The following NEB variants were observed in gnomAD, a reference collection of about 807,000 sequenced individuals.
The protein encoded by NEB is nemaline myopathy type 2.
Under a neutral mutation model 952.2 loss-of-function variants are expected in NEB, and 512 were observed. That is an observed-to-expected ratio of 0.54 (90% CI 0.50 to 0.58). NEB has a LOEUF of 0.58. Ranked by LOEUF, NEB falls within the 20% of genes least tolerant of loss-of-function variation. The pLI is 0.00. For synonymous variants in NEB, 2,900 were observed against 3,149.8 expected (o/e 0.92, Z 2.66); for missense variants, 8,428 against 9,231.1 (o/e 0.91, Z 3.56).
rs552379239 is a variant in NEB, at chr2:151,552,708, G to A, written c.19800C>T (p.Tyr6600=). 12 of 1,613,116 alleles carry A rather than the reference G, an allele frequency of 7.4e-6. No individual in the cohort carries two copies. In the East Asian group the frequency reaches 8.9e-5, roughly 12 times the overall value. ...DYKLVTDTPV[Y]VQAVKSGKQL... The stretch of plus-strand genomic sequence containing the variant: ...GTTTCCCACTTTTGACAGCCTGCAC[G>A]TAGACTGGTGTATCTGTGACAAGCT... Residue 6600 remains tyrosine, a synonymous_variant, in exon 128 of 182, where the codon TAC becomes TAT. Coordinates refer to ENST00000397345, the MANE Select transcript of NEB (RefSeq NM_001164508.2).
chr2:151,519,725 G>A lies in NEB; in HGVS notation c.22523C>T (p.Pro7508Leu), dbSNP rs780741468. ...CTGGCTGTCTTTTGGATTGTATTTT[G>A]GTGTCTTGCCCTTTTCTTTATCGAA... ...ENFDKEKGKTPKYNPKDSQLY... is the reference protein window; with the variant it reads ...ENFDKEKGKTLKYNPKDSQLY... The change falls in exon 154 of 182, where the codon CCA becomes CTA. Residue 7508 changes from proline to leucine, a missense_variant. This residue lies in a region of NEB where 3,374 missense variants were observed against 3,651.5 expected (regional missense o/e 0.92). Transcript: ENST00000397345. 6 of 1,612,888 alleles carry A rather than the reference G, an allele frequency of 3.7e-6. No individual in the cohort carries two copies. The highest frequency in any genetic ancestry group is 5.1e-6 in the Non-Finnish European group (6 of 1,179,294).
chr2:151,639,420 AG>A (rs2098819169), intron 62 of NEB, 36 bp from the exon 63 acceptor site: 3 of 1,460,122 alleles, frequency 2.1e-6, no homozygotes, highest in Non-Finnish European at 2.8e-6. Context: ...TCAGGAAAAA[AG>A]TTCTGTGTAT....
chr2:151,505,413 A>C, intron 165 of NEB, 65 bp downstream of exon 165: 1 of 1,324,312 alleles, frequency 7.6e-7, no homozygotes, highest in Non-Finnish European at 1.1e-6. Context: ...AAGATGAGAG[A>C]GCACCAGGGT....
At chr2:151,641,532 T>C (rs2098847225) in intron 60 of NEB, among the ~76,000 whole-genome samples, 1 of 152,182 alleles carries the variant, frequency 6.6e-6, no homozygotes, top group Non-Finnish European at 1.5e-5. Flanking sequence ...TGCCTTGCTA[T>C]GTTGACCAGG....
chr2:151,728,239 A>C (rs2099796810), intron 4 of NEB, among the ~76,000 whole-genome samples: 1 of 152,218 alleles, frequency 6.6e-6, no homozygotes, highest in African/African-American at 2.4e-5. Context: ...TTTTTAAAAC[A>C]GTTGAAAATC....
Position 151,493,524 on chromosome 2 carries a change from G to A in NEB, c.24673-79C>T, listed in dbSNP as rs891200340. On this transcript the variant is annotated intron_variant, in intron 175 of 181. Transcript: ENST00000397345. Reference sequence around the variant, plus strand: ...AAATCATCACTTAGCTGGTGTTATGGCTCATGTTATGGCTCAGTTATATCA... The same window carrying A: ...AAATCATCACTTAGCTGGTGTTATGACTCATGTTATGGCTCAGTTATATCA... 16 of 938,288 alleles carry A rather than the reference G, an allele frequency of 1.7e-5. No homozygotes were observed. In the South Asian group the frequency reaches 2.6e-4, roughly 15 times the overall value. The allele number at this position is 938,288 out of a possible 1,614,324, so 58.1% of individuals were successfully genotyped here.
At position 151,702,103 on chromosome 2, in the gene NEB, C is replaced by T. The variant is rs1342048343; in HGVS notation, c.1153-4455G>A. On this transcript the variant is annotated intron_variant, in intron 13 of 181. Coordinates refer to ENST00000397345, the MANE Select transcript of NEB (RefSeq NM_001164508.2). ...TTGGTTTCAAAGAACATCTTTATTTCTGCCTTCATTTCGTTATGTACCCAG... is the reference window on the plus strand; with the variant it reads ...TTGGTTTCAAAGAACATCTTTATTTTTGCCTTCATTTCGTTATGTACCCAG... Among the ~76,000 whole-genome samples, 8 of 145,952 alleles carry T rather than the reference C, an allele frequency of 5.5e-5. No individual in the cohort carries two copies. In the East Asian group the frequency reaches 9.9e-4, roughly 18 times the overall value.
chr2:151,500,902 A>AATAAG (rs1220735065), intron 168 of NEB, among the ~76,000 whole-genome samples: 8 of 152,142 alleles, frequency 5.3e-5, no homozygotes, highest in Admixed American at 2.0e-4. Context: ...CCTGGCCCCA[A>AATAAG]ATAAGATTTC....
chr2:151,506,413 A>C, intron 163 of NEB, 155 bp from the exon 164 acceptor site: 1 of 622,082 alleles, frequency 1.6e-6, no homozygotes, highest in Non-Finnish European at 2.9e-6. Context: ...TTTCCATGTC[A>C]GTATCAGTGA....
At chr2:151,671,997 A>AG (rs397775205) in intron 37 of NEB, among the ~76,000 whole-genome samples, 1 of 151,374 alleles carries the variant, frequency 6.6e-6, no homozygotes, top group African/African-American at 2.4e-5. Context: ...AAAAAAAAAA[A>AG]CACCTTTCCC....
intron 13 of NEB, among the ~76,000 whole-genome samples, chr2:151,698,307 T>A (rs1235441523): frequency 6.6e-6 from 1 of 152,166 alleles, no homozygotes; most frequent in Non-Finnish European, 1.5e-5. Context: ...TTAGTATGTT[T>A]ACAGAGTTGT....
intron 76 of NEB, among the ~76,000 whole-genome samples, chr2:151,615,045 A>G (rs2098144907): frequency 6.6e-6 from 1 of 152,246 alleles, no homozygotes; most frequent in African/African-American, 2.4e-5. Context: ...ACATTTAGAT[A>G]GAGTTTATGT....
intron 129 of NEB, among the ~76,000 whole-genome samples, chr2:151,550,550 C>T (rs1037763613): frequency 1.3e-5 from 2 of 152,184 alleles, no homozygotes; most frequent in African/African-American, 4.8e-5. Context: ...AAAGGGAGGA[C>T]ATGGAGGAGT....
intron 156 of NEB, 101 bp from the exon 157 acceptor site, chr2:151,516,664 G>A (rs1414742319): frequency 3.8e-6 from 3 of 786,814 alleles, no homozygotes; most frequent in East Asian, 2.7e-5. Context: ...TCAATTGGAT[G>A]GCATCTCATT....
Position 151,533,667 on chromosome 2 carries a change from A to G in NEB, c.21313-121T>C, listed in dbSNP as rs772374718. On this transcript the variant is annotated intron_variant, in intron 142 of 181. Coordinates refer to ENST00000397345, the MANE Select transcript of NEB (RefSeq NM_001164508.2). ...AGGCATACACACTTTATGTACTCAC[A>G]TATGTGCGGGTGAAGACATCAAATA... The G allele has an allele frequency of 2.3e-4, 150 of 640,578 alleles. 1 individual carries two copies. Among genetic ancestry groups the G allele is most frequent in the Non-Finnish European group, 3.4e-4 (124 of 362,218 alleles). 39.7% of individuals were successfully genotyped at this position (640,578 alleles called of 1,614,324 possible). A position where few individuals can be genotyped will look rare whatever the true frequency, so the allele number is the denominator to read the frequency against.
At chr2:151,725,247 G>A (rs1422897310) in intron 6 of NEB, among the ~76,000 whole-genome samples, 1 of 152,178 alleles carries the variant, frequency 6.6e-6, no homozygotes, top group African/African-American at 2.4e-5. Context: ...CTCCTCTTAA[G>A]CTAAGTTGCT....
chr2:151,575,175 G>C (rs1371027198), intron 107 of NEB, among the ~76,000 whole-genome samples: 1 of 152,140 alleles, frequency 6.6e-6, no homozygotes, highest in Admixed American at 6.5e-5. Context: ...CCTGACACTT[G>C]AAAGTAGGAA....
Position 151,568,855 on chromosome 2 carries a change from T to G in NEB, c.17536-139A>C, listed in dbSNP as rs2096529371. ...AATAGCGTCTTCTTGGGAATTTGGC[T>G]TTCTTTTTAGCATTTTATTTTTTAA... is the stretch of plus-strand genomic sequence containing the variant. On this transcript the variant is annotated intron_variant, in intron 110 of 181. Coordinates refer to ENST00000397345, the MANE Select transcript of NEB (RefSeq NM_001164508.2). The G allele has an allele frequency of 4.5e-6, 3 of 667,036 alleles. No homozygotes were observed. In the South Asian group the frequency reaches 6.4e-5, roughly 14 times the overall value. The allele number at this position is 667,036 out of a possible 1,614,324, so 41.3% of individuals were successfully genotyped here.
chr2:151,612,535 G>T, intron 77 of NEB, 146 bp from the exon 78 acceptor site: 1 of 786,520 alleles, frequency 1.3e-6, no homozygotes, highest in Non-Finnish European at 2.0e-6. Context: ...CTTTACTTTG[G>T]TTTAGAATGG....
Sources: gnomAD v4.1 joint callset for allele counts (sites outside exome capture counted in the v4.1 genomes callset) on GRCh38, gnomAD v4.1.1 for gene constraint, gnomAD v4.1.1 regional missense constraint, MANE v1.5 for transcripts, NCBI Gene and HGNC (gene_info 2026-07-23, HGNC 2026-07-21) for gene names.